The following GAN variants were observed in gnomAD, a reference collection of about 807,000 sequenced individuals.
The protein encoded by GAN is epididymis secretory sperm binding protein.
Under a neutral mutation model 71.3 loss-of-function variants are expected in GAN, and 48 were observed. The observed-to-expected ratio is 0.67, with a 90% CI of 0.53 to 0.86. GAN has a LOEUF of 0.86. Ranked by LOEUF, GAN falls within the 40% of genes least tolerant of loss-of-function variation. GAN has a pLI of 0.00. For missense variants in GAN, 928 were observed against 770.1 expected, an observed-to-expected ratio of 1.21 and a Z score of -2.43; for synonymous variants, 386 against 276.8, an observed-to-expected ratio of 1.39 and a Z score of -3.92.
In GAN at chr16:81,351,701, T is replaced by C. The variant is rs763640172; in HGVS notation, c.282+4T>C. 2 of 1,320,356 alleles carry C rather than the reference T, an allele frequency of 1.5e-6. No individual in the cohort carries two copies. The highest frequency in any genetic ancestry group is 2.2e-6 in the Non-Finnish European group (2 of 911,952). The allele number at this position is 1,320,356 out of a possible 1,614,324, so 81.8% of individuals were successfully genotyped here. A position where few individuals can be genotyped will look rare whatever the true frequency, so the allele number is the denominator to read the frequency against. ...GGATTACATCTTCAGTGGGCAGGTA[T>C]GATGAGAAACAAAGGAAGGAAGACC... On this transcript the variant is annotated splice_donor_region_variant and intron_variant, in intron 2 of 10. Coordinates refer to ENST00000648994, the MANE Select transcript of GAN (RefSeq NM_022041.4).
chr16:81,389,297 C>G lies in GAN; in HGVS notation c.*11701C>G, dbSNP rs1306016757. Reference sequence around the variant, plus strand: ...TGTTTGGTTCCTCGGTCTTGTACCCCTTCAGTTCGCCGGCGACGTAATGGT... The same window carrying G: ...TGTTTGGTTCCTCGGTCTTGTACCCGTTCAGTTCGCCGGCGACGTAATGGT... On this transcript the variant is annotated 3_prime_UTR_variant, in exon 11 of 11. Coordinates refer to ENST00000648994, the MANE Select transcript of GAN (RefSeq NM_022041.4). The G allele has an allele frequency of 6.6e-6, 1 of 152,182 alleles. No homozygotes were observed. The highest frequency in any genetic ancestry group is 1.5e-5 in the Non-Finnish European group (1 of 68,038). 9.4% of individuals were successfully genotyped at this position (152,182 alleles called of 1,614,324 possible).
chr16:81,333,309 G>T (rs1223580647), intron 1 of GAN, among the ~76,000 whole-genome samples: 7 of 150,868 alleles, frequency 4.6e-5, no homozygotes, highest in Admixed American at 1.3e-4. Flanking sequence ...TTAATAAGTT[G>T]TGGGAGCAAC....
At chr16:81,329,513 C>T (rs569156475) in intron 1 of GAN, among the ~76,000 whole-genome samples, 2 of 152,310 alleles carry the variant, frequency 1.3e-5, no homozygotes, top group East Asian at 3.9e-4. Context: ...AGTCTCAGCT[C>T]CTGGTTTTTG....
intron 1 of GAN, among the ~76,000 whole-genome samples, chr16:81,339,439 G>A (rs1909871122): frequency 6.6e-6 from 1 of 152,188 alleles, no homozygotes; most frequent in African/African-American, 2.4e-5. Flanking sequence ...AAAGACTTGA[G>A]TATTTAAAGA....
intron 9 of GAN, among the ~76,000 whole-genome samples, chr16:81,375,887 T>C (rs1447290120): frequency 6.7e-6 from 1 of 150,096 alleles, no homozygotes; most frequent in African/African-American, 2.5e-5. Flanking sequence ...AGAGGATCAC[T>C]AGAGTCCAAG....
At chr16:81,329,817 G>T (rs1299871622) in intron 1 of GAN, among the ~76,000 whole-genome samples, 1 of 152,094 alleles carries the variant, frequency 6.6e-6, no homozygotes, top group Admixed American at 6.5e-5. Context: ...CTCCCACGGT[G>T]ATCTCATCTA....
chr16:81,337,798 A>C (rs895117829), intron 1 of GAN, among the ~76,000 whole-genome samples: 1 of 152,220 alleles, frequency 6.6e-6, no homozygotes, highest in African/African-American at 2.4e-5. Context: ...ATAGAACAGA[A>C]GAACAGAAAA....
rs892216000 is a variant in GAN at position 81,383,160 on chromosome 16, C to T, written c.*5564C>T. 3 of 150,848 alleles carry T rather than the reference C, an allele frequency of 2.0e-5. No individual in the cohort carries two copies. Among genetic ancestry groups the T allele is most frequent in the African/African-American group, 4.9e-5 (2 of 41,018 alleles). The allele number at this position is 150,848 out of a possible 1,614,324, so 9.3% of individuals were successfully genotyped here. A position where few individuals can be genotyped will look rare whatever the true frequency, so the allele number is the denominator to read the frequency against. Reference sequence around the variant, plus strand: ...TCTAAGTGATTGGATTTTTAAACCCCTTCCCCTTTTCATGAAATTAAACAT... The same window carrying T: ...TCTAAGTGATTGGATTTTTAAACCCTTTCCCCTTTTCATGAAATTAAACAT... On this transcript the variant is annotated 3_prime_UTR_variant, in exon 11 of 11. Transcript: ENST00000648994.
intron 1 of GAN, among the ~76,000 whole-genome samples, chr16:81,326,740 T>C (rs1364775014): frequency 6.6e-6 from 1 of 152,216 alleles, no homozygotes; most frequent in African/African-American, 2.4e-5. Context: ...CTATACAGCA[T>C]GTGACTGTAC....
At chr16:81,359,842 G>C (rs929931446) in intron 5 of GAN, among the ~76,000 whole-genome samples, 1 of 152,208 alleles carries the variant, frequency 6.6e-6, no homozygotes, top group East Asian at 1.9e-4. Context: ...ATAAAACGAC[G>C]ATAACAATAT....
In GAN at chr16:81,378,514, A is replaced by T. The variant is rs1024278342; in HGVS notation, c.*918A>T. 9 of 152,272 alleles carry T rather than the reference A, an allele frequency of 5.9e-5. No homozygotes were observed. The highest frequency in any genetic ancestry group is 2.2e-4 in the African/African-American group (9 of 41,452). The allele number at this position is 152,272 out of a possible 1,614,324, so 9.4% of individuals were successfully genotyped here. On this transcript the variant is annotated 3_prime_UTR_variant, in exon 11 of 11. Coordinates refer to ENST00000648994, the MANE Select transcript of GAN (RefSeq NM_022041.4). ...GTGGCTAAAAAAGCAAAAACAAAAA[A>T]GCTATCCAGACAAAATACATAGGGA... is the stretch of plus-strand genomic sequence containing the variant.
At position 81,380,516 on chromosome 16, in the gene GAN, A is replaced by G. The variant is rs1161103045; in HGVS notation, c.*2920A>G. 6.6e-6 allele frequency: 1 copy of G among 152,210 alleles called. No individual in the cohort carries two copies. The highest frequency in any genetic ancestry group is 1.9e-4 in the East Asian group (1 of 5,202). The allele number at this position is 152,210 out of a possible 1,614,324, so 9.4% of individuals were successfully genotyped here. On this transcript the variant is annotated 3_prime_UTR_variant, in exon 11 of 11. Coordinates refer to ENST00000648994, the MANE Select transcript of GAN (RefSeq NM_022041.4). ...AAGTGTTTTTTGTTTTGTTTTTGAT[A>G]GTGCTTATATCCTGTGAATAGAAAA...
In GAN at chr16:81,377,492, G is replaced by C. The variant is rs755259336; in HGVS notation, c.1690G>C (p.Asp564His). The change falls in exon 11 of 11, where the codon GAC (aspartate) becomes CAC (histidine). Residue 564 changes from aspartate to histidine, a missense_variant. Physicochemically the swap from Asp to His is moderately conservative, Grantham distance 81. Transcript: ENST00000648994. ...WHHTKPLLPSDLRRTGCAALR... is the reference protein window; with the variant it reads ...WHHTKPLLPSHLRRTGCAALR... ...CCACACTAAACCACTCCTTCCATCC[G>C]ACCTTCGCCGTACAGGATGTGCAGC... 1.2e-6 allele frequency: 2 copies of C among 1,614,088 alleles called. No individual in the cohort carries two copies. Among genetic ancestry groups the C allele is most frequent in the East Asian group, 4.5e-5 (2 of 44,884 alleles).
rs11461340 is a variant in GAN, at chr16:81,385,769, CTTTTTTTTTT to C, written c.*8184_*8193del. 1 of 124,396 alleles carries C rather than the reference CTTTTTTTTTT, an allele frequency of 8.0e-6. No individual in the cohort carries two copies. Among genetic ancestry groups the C allele is most frequent in the African/African-American group, 3.0e-5 (1 of 33,714 alleles). The allele number at this position is 124,396 out of a possible 1,614,324, so 7.7% of individuals were successfully genotyped here. The stretch of plus-strand genomic sequence containing the variant: ...ATTAGAAGTTGGTGTTCATAAAATA[CTTTTTTTTTT>C]TTTTTTTTTTGAGATGGAGTCTCGC... On this transcript the variant is annotated 3_prime_UTR_variant, in exon 11 of 11. Transcript: ENST00000648994.
chr16:81,373,757 T>C (rs941176715), intron 9 of GAN, among the ~76,000 whole-genome samples: 2 of 152,218 alleles, frequency 1.3e-5, no homozygotes, highest in African/African-American at 4.8e-5. Context: ...TTCATTCTTT[T>C]TTTTGAGACA....
chr16:81,368,862 T>G (rs1234437334), intron 9 of GAN, among the ~76,000 whole-genome samples: 2 of 152,246 alleles, frequency 1.3e-5, no homozygotes, highest in Non-Finnish European at 2.9e-5. Flanking sequence ...CATACCTTTT[T>G]GCTCAGAGTT....
chr16:81,369,821 C>T (rs372089513), intron 9 of GAN, among the ~76,000 whole-genome samples: 8 of 152,336 alleles, frequency 5.3e-5, no homozygotes, highest in Admixed American at 1.3e-4. Context: ...CTGCCCGCCT[C>T]GGCCTCCCAA....
At chr16:81,368,719 G>A (rs751370085) in intron 9 of GAN, among the ~76,000 whole-genome samples, 1 of 152,132 alleles carries the variant, frequency 6.6e-6, no homozygotes, top group African/African-American at 2.4e-5. Flanking sequence ...CACCTTCCCT[G>A]CCCCGCTGCT....
chr16:81,351,790 A>C, intron 2 of GAN, 93 bp downstream of exon 2: 1 of 766,808 alleles, frequency 1.3e-6, no homozygotes, highest in Non-Finnish European at 2.4e-6. Flanking sequence ...ACAAAGTAGC[A>C]CTGTCATCTT....
Sources: allele counts gnomAD v4.1 joint callset (sites outside exome capture counted in the v4.1 genomes callset), GRCh38; gene constraint gnomAD v4.1.1; transcripts MANE v1.5; gene names NCBI Gene and HGNC (gene_info 2026-07-23, HGNC 2026-07-21).